TTC6: variants seen among roughly 807,000 people sequenced by gnomAD.
TTC6 encodes the protein tetratricopeptide repeat domain 6, also known as tetratricopeptide repeat protein 6.
TTC6 carries 172 observed loss-of-function variants against 210.4 expected under a neutral mutation model. The observed-to-expected ratio is 0.82, with a 90% CI of 0.72 to 0.93. The LOEUF (loss-of-function observed/expected upper bound fraction) is 0.93. TTC6 is among the 40% of genes least tolerant of loss of function. The pLI is 0.00. For synonymous variants in TTC6, 804 were observed against 819.6 expected, an observed-to-expected ratio of 0.98 and a Z score of 0.32; for missense variants, 2,414 against 2,318.1, an observed-to-expected ratio of 1.04 and a Z score of -0.85.
At chr14:37,651,812 G>A (rs1414561237) in intron 1 of TTC6, among the ~76,000 whole-genome samples, 1 of 152,076 alleles carries the variant, frequency 6.6e-6, no homozygotes, top group African/African-American at 2.4e-5. Context: ...ATAAAAAAAA[G>A]TATAGCGGGC....
intron 14 of TTC6, among the ~76,000 whole-genome samples, chr14:37,777,005 T>C (rs2096039821): frequency 6.6e-6 from 1 of 152,208 alleles, no homozygotes; most frequent in Non-Finnish European, 1.5e-5. Context: ...TGACCTGTCC[T>C]TTCTCATTAG....
chr14:37,720,450 ACT>A (rs1461411903), intron 6 of TTC6: 2 of 151,722 alleles, frequency 1.3e-5, no homozygotes, highest in Non-Finnish European at 2.9e-5. Context: ...TAGAAGCCAA[ACT>A]CTCTGTGGGC....
At chr14:37,836,650 A>C (rs529606466) in intron 29 of TTC6, among the ~76,000 whole-genome samples, 1 of 152,278 alleles carries the variant, frequency 6.6e-6, no homozygotes, top group Non-Finnish European at 1.5e-5. Flanking sequence ...TGAGCTTTAC[A>C]GTGCACACTC....
At chr14:37,658,329 A>G (rs990142203) in intron 1 of TTC6, among the ~76,000 whole-genome samples, 4 of 152,234 alleles carry the variant, frequency 2.6e-5, no homozygotes, top group African/African-American at 4.8e-5. Flanking sequence ...TTACACTGTG[A>G]AAGAAAGAGT....
intron 1 of TTC6, among the ~76,000 whole-genome samples, chr14:37,658,775 A>C (rs1236466091): frequency 2.0e-5 from 3 of 152,130 alleles, no homozygotes; most frequent in Non-Finnish European, 4.4e-5. Context: ...AGCCTTTAAA[A>C]ATTTTTTTAT....
At chr14:37,735,960 T>C in exon 8 of TTC6, 2 of 1,534,496 alleles carry the variant, frequency 1.3e-6, no homozygotes, top group East Asian at 2.4e-5. Flanking sequence ...TAAATTGTCA[T>C]ATAAAAGCAG....
chr14:37,619,769 C>T (rs1265222587), upstream of TTC6, among the ~76,000 whole-genome samples: 4 of 151,100 alleles, frequency 2.6e-5, no homozygotes, highest in Non-Finnish European at 4.4e-5. Context: ...GGGACAAGTG[C>T]TCCCTTGTCA....
upstream of TTC6, among the ~76,000 whole-genome samples, chr14:37,620,019 A>G (rs1398619354): frequency 6.6e-6 from 1 of 152,210 alleles, no homozygotes. Flanking sequence ...TAAAAATTTA[A>G]TCACCTAGTT....
chr14:37,723,824 C>T (rs899064659), intron 6 of TTC6, among the ~76,000 whole-genome samples: 3 of 152,140 alleles, frequency 2.0e-5, no homozygotes, highest in Admixed American at 6.5e-5. Context: ...TCGTGGGATT[C>T]CTCCTGACCT....
At chr14:37,784,442 C>T (rs1353931458) in intron 14 of TTC6, among the ~76,000 whole-genome samples, 1 of 152,082 alleles carries the variant, frequency 6.6e-6, no homozygotes, top group Non-Finnish European at 1.5e-5. Flanking sequence ...AGGATTACAA[C>T]CCCTGCTTTT....
At chr14:37,836,129 T>C (rs1240130331) in intron 29 of TTC6, among the ~76,000 whole-genome samples, 1 of 152,212 alleles carries the variant, frequency 6.6e-6, no homozygotes, top group Non-Finnish European at 1.5e-5. Context: ...GCTTTCTTCA[T>C]GTAAATCCTC....
rs778882414 is a variant in TTC6 at position 37,773,410 on chromosome 14, T to C, written c.3267-14058T>C. Among the ~76,000 whole-genome samples, 25 of 152,204 alleles carry C rather than the reference T, an allele frequency of 1.6e-4. 1 individual carries two copies. Among genetic ancestry groups the C allele is most frequent in the Non-Finnish European group, 3.4e-4 (23 of 68,032 alleles). ...GTTTTATAGTTTTAGATTTTGCATT[T>C]AAGTTTTTATCTTGAGTTGATTTTT... On this transcript the variant is annotated intron_variant, in intron 14 of 30. Transcript: ENST00000553443.
chr14:37,622,812 G>A (rs1436274254), exon 1 of TTC6: 56 of 1,533,868 alleles, frequency 3.7e-5, no homozygotes, highest in Non-Finnish European at 4.6e-5. Context: ...AGCCCAGGGA[G>A]AACAGGAGAG....
intron 4 of TTC6, among the ~76,000 whole-genome samples, chr14:37,698,262 G>A (rs1039060173): frequency 2.0e-5 from 3 of 151,870 alleles, no homozygotes; most frequent in African/African-American, 7.3e-5. Flanking sequence ...TTGTATTCTT[G>A]GGAATTCAAA....
chr14:37,718,151 T>C (rs1484393447), intron 6 of TTC6, among the ~76,000 whole-genome samples: 1 of 152,212 alleles, frequency 6.6e-6, no homozygotes, highest in East Asian at 1.9e-4. Flanking sequence ...CTTATAAATA[T>C]TGGTTATAAA....
chr14:37,816,640 T>A (rs766446542), intron 25 of TTC6, among the ~76,000 whole-genome samples: 5 of 152,202 alleles, frequency 3.3e-5, no homozygotes, highest in Non-Finnish European at 5.9e-5. Context: ...TTCAGGACTC[T>A]TTCAGAAGCC....
At chr14:37,645,496 A>G (rs2095699941) in intron 1 of TTC6, among the ~76,000 whole-genome samples, 1 of 152,222 alleles carries the variant, frequency 6.6e-6, no homozygotes, top group South Asian at 2.1e-4. Context: ...AGATGGCAAT[A>G]AGTAACAAAA....
intron 5 of TTC6, among the ~76,000 whole-genome samples, chr14:37,713,200 A>C (rs1381844481): frequency 3.3e-5 from 5 of 152,222 alleles, no homozygotes; most frequent in Admixed American, 3.3e-4. Flanking sequence ...TAACTGGAAC[A>C]CTGCTACAGA....
rs139294236 is a variant in TTC6 at position 37,598,689 on chromosome 14, C to T, written c.-235+2681C>T. On this transcript the variant is annotated intron_variant, in intron 1 of 2. Transcript: ENST00000556845. This position sits in a 1 kb window ranked among gnomAD's most constrained non-coding sequence, Gnocchi z 4.9. ...GGCCTCGGGCCCCGGGCCCAGACGG[C>T]GGCCTCTCGCGGCGACAGGGTCCTT... Among the ~76,000 whole-genome samples the T allele has an allele frequency of 8.0e-3, 1,223 of 152,244 alleles. 5 individuals are homozygous for T. The highest frequency in any genetic ancestry group is 0.013 in the Non-Finnish European group (912 of 68,012).
Sources: allele counts gnomAD v4.1 joint callset (sites outside exome capture counted in the v4.1 genomes callset), GRCh38; gene constraint gnomAD v4.1.1; non-coding constraint Gnocchi (gnomAD v3.1); transcripts MANE v1.5; gene names NCBI Gene and HGNC (gene_info 2026-07-23, HGNC 2026-07-21).